The following ANKS1B variants were observed in gnomAD, a reference collection of about 807,000 sequenced individuals.
The protein encoded by ANKS1B is ankyrin repeat and sterile alpha motif domain-containing protein 1B.
A neutral mutation model predicts 148.3 loss-of-function variants in ANKS1B; 36 were observed. That is an observed-to-expected ratio of 0.24 (90% confidence interval 0.19 to 0.32). The LOEUF is 0.32. ANKS1B is among the 10% of genes least tolerant of loss of function. The probability of loss-of-function intolerance (pLI) is 1.00; values close to 1 mark genes in which losing one functional copy is unlikely to be tolerated. For missense variants in ANKS1B, 1,157 were observed against 1,542.6 expected (o/e 0.75, Z 4.19); for synonymous variants, 542 against 560.8 (o/e 0.97, Z 0.47).
chr12:99,949,934 G>A (rs1192435394), intron 1 of ANKS1B, among the ~76,000 whole-genome samples: 1 of 151,598 alleles, frequency 6.6e-6, no homozygotes, highest in African/African-American at 2.4e-5. Flanking sequence ...GCTTGCTCTA[G>A]TTCCATACTC....
intron 8 of ANKS1B, among the ~76,000 whole-genome samples, chr12:99,761,515 C>T (rs1466788482): frequency 6.6e-6 from 1 of 151,776 alleles, no homozygotes; most frequent in Non-Finnish European, 1.5e-5. Flanking sequence ...TGATAAAAAC[C>T]TTCAACAAAT....
chr12:99,177,142 T>C (rs2078495548), intron 14 of ANKS1B, among the ~76,000 whole-genome samples: 1 of 152,246 alleles, frequency 6.6e-6, no homozygotes, highest in South Asian at 2.1e-4. Context: ...TTAGTCACTA[T>C]GTTCCAAGTC....
At chr12:99,013,734 G>A (rs1487717691) in intron 17 of ANKS1B, among the ~76,000 whole-genome samples, 1 of 152,110 alleles carries the variant, frequency 6.6e-6, no homozygotes, top group Non-Finnish European at 1.5e-5. Context: ...CAAGCTGAGA[G>A]CCAAATCATG....
intron 16 of ANKS1B, among the ~76,000 whole-genome samples, chr12:99,081,595 T>C (rs936698487): frequency 2.0e-5 from 3 of 152,216 alleles, no homozygotes; most frequent in Non-Finnish European, 4.4e-5. Context: ...TGGATGTTTT[T>C]ATATACTCTC....
chr12:99,767,092 G>C (rs1405981013), intron 8 of ANKS1B, among the ~76,000 whole-genome samples: 2 of 151,716 alleles, frequency 1.3e-5, no homozygotes, highest in Non-Finnish European at 2.9e-5. Flanking sequence ...GAATAGCTTG[G>C]CATTAAAAAA....
At chr12:99,570,019 T>C (rs757977366) in intron 9 of ANKS1B, among the ~76,000 whole-genome samples, 15 of 152,062 alleles carry the variant, frequency 9.9e-5, no homozygotes, top group Non-Finnish European at 2.1e-4. Flanking sequence ...CACCAACCAC[T>C]CCCCACAAGG....
chr12:99,671,183 T>C (rs2098536481), intron 8 of ANKS1B, among the ~76,000 whole-genome samples: 2 of 152,168 alleles, frequency 1.3e-5, no homozygotes, highest in Admixed American at 6.6e-5. Context: ...ATTATTTGTG[T>C]ATCCTGCAAG....
intron 11 of ANKS1B, among the ~76,000 whole-genome samples, chr12:99,431,623 A>G (rs1463930960): frequency 6.6e-6 from 1 of 152,242 alleles, no homozygotes; most frequent in Admixed American, 6.5e-5. Flanking sequence ...GAAACTTTTT[A>G]TATAAGAACA....
intron 17 of ANKS1B, among the ~76,000 whole-genome samples, chr12:98,952,890 A>C (rs1354660812): frequency 6.6e-6 from 1 of 152,194 alleles, no homozygotes; most frequent in Non-Finnish European, 1.5e-5. Context: ...ACAGCTTCTC[A>C]TCCCACTGCC....
At chr12:99,949,132 T>C (rs1221881672) in intron 1 of ANKS1B, among the ~76,000 whole-genome samples, 2 of 152,182 alleles carry the variant, frequency 1.3e-5, no homozygotes, top group African/African-American at 2.4e-5. Context: ...CAAGATCATA[T>C]ACCAAGTATA....
chr12:99,354,535 T>C (rs144312330), intron 12 of ANKS1B, among the ~76,000 whole-genome samples: 1 of 152,130 alleles, frequency 6.6e-6, no homozygotes, highest in East Asian at 1.9e-4. Context: ...TAACAGACAC[T>C]CACTAAATAG....
intron 17 of ANKS1B, among the ~76,000 whole-genome samples, chr12:98,887,184 A>G (rs998552657): frequency 2.6e-5 from 4 of 152,262 alleles, no homozygotes; most frequent in Non-Finnish European, 5.9e-5. Flanking sequence ...GATGGGCAAA[A>G]GCATTACCTT....
At chr12:99,394,174 C>T (rs186822579) in intron 12 of ANKS1B, among the ~76,000 whole-genome samples, 19 of 152,300 alleles carry the variant, frequency 1.2e-4, no homozygotes, top group Non-Finnish European at 2.2e-4. Context: ...ATTTCCTTCT[C>T]TGTCTTTGGT....
chr12:99,246,801 C>G lies in ANKS1B; in HGVS notation c.1820G>C (p.Gly607Ala). 6.2e-7 allele frequency: 1 copy of G among 1,612,330 alleles called. No homozygotes were observed. The highest frequency in any genetic ancestry group is 1.1e-5 in the South Asian group (1 of 90,824). ...PKEYDPGQFA[G>A]LLHGSSPACE... ...GGCTGGAGAGGATCCATGGAGCAGGCCTGCAAATTGCCCAGGATCATATTC... is the reference window on the plus strand; with the variant it reads ...GGCTGGAGAGGATCCATGGAGCAGGGCTGCAAATTGCCCAGGATCATATTC... Residue 607 changes from glycine (G) to alanine (A), a missense_variant, in exon 13 of 27, where the codon GGC (glycine) becomes GCC (alanine). This residue lies in a region of ANKS1B where 661 missense variants were observed against 642.1 expected (regional missense o/e 1.03). Transcript: ENST00000683438.
chr12:99,555,737 T>C (rs1352960453), intron 9 of ANKS1B, among the ~76,000 whole-genome samples: 1 of 152,148 alleles, frequency 6.6e-6, no homozygotes, highest in African/African-American at 2.4e-5. Flanking sequence ...TGGCAAATCA[T>C]ATTTATTTGC....
chr12:99,640,822 C>T (rs1303381390), intron 9 of ANKS1B, among the ~76,000 whole-genome samples: 1 of 152,146 alleles, frequency 6.6e-6, no homozygotes, highest in Non-Finnish European at 1.5e-5. Flanking sequence ...CAATAACTTG[C>T]AAACTATTCT....
chr12:99,945,945 T>C (rs1481290717), intron 1 of ANKS1B, among the ~76,000 whole-genome samples: 2 of 152,154 alleles, frequency 1.3e-5, no homozygotes, highest in East Asian at 1.9e-4. Context: ...GAACCTGCCA[T>C]GGCAATCACT....
At chr12:98,980,506 G>A (rs928820487) in intron 17 of ANKS1B, among the ~76,000 whole-genome samples, 4 of 151,988 alleles carry the variant, frequency 2.6e-5, no homozygotes, top group African/African-American at 9.7e-5. Context: ...GCGCCCGGCC[G>A]CACATAGGTA....
At chr12:99,879,684 T>C (rs1481421336) in intron 1 of ANKS1B, among the ~76,000 whole-genome samples, 1 of 152,218 alleles carries the variant, frequency 6.6e-6, no homozygotes, top group Non-Finnish European at 1.5e-5. Context: ...TCAATTTTCC[T>C]ATACTACAGA....
Sources: allele counts gnomAD v4.1 joint callset (sites outside exome capture counted in the v4.1 genomes callset), GRCh38; gene constraint gnomAD v4.1.1; regional missense constraint gnomAD v4.1.1; transcripts MANE v1.5; gene names NCBI Gene and HGNC (gene_info 2026-07-23, HGNC 2026-07-21).